The following TRHDE variants were observed in gnomAD, a reference collection of about 807,000 sequenced individuals.
The protein encoded by TRHDE is thyrotropin releasing hormone degrading enzyme, also known as thyrotropin-releasing hormone-degrading ectoenzyme.
In TRHDE, 72 loss-of-function variants were observed where a neutral mutation model predicts 125.7. The observed-to-expected ratio is 0.57, with a 90% confidence interval of 0.47 to 0.70. TRHDE has a LOEUF of 0.70. Ranked by LOEUF, TRHDE falls within the 30% of genes least tolerant of loss-of-function variation. TRHDE has a pLI of 0.00. For synonymous variants in TRHDE, 509 were observed against 509.1 expected, an observed-to-expected ratio of 1.00 and a Z score of 0.00; for missense variants, 1,110 against 1,327.1, an observed-to-expected ratio of 0.84 and a Z score of 2.54.
At chr12:72,231,191 TAAAA>T (rs1198399847) in intron 2 of TRHDE, among the ~76,000 whole-genome samples, 1 of 151,378 alleles carries the variant, frequency 6.6e-6, no homozygotes, top group African/African-American at 2.4e-5. Flanking sequence ...GCATGAAAAT[TAAAA>T]AAAAATCAGC....
chr12:72,650,178 C>A (rs1346478921), intron 15 of TRHDE, among the ~76,000 whole-genome samples: 1 of 152,062 alleles, frequency 6.6e-6, no homozygotes, highest in Non-Finnish European at 1.5e-5. Flanking sequence ...TGTACACATA[C>A]AATGAAATAC....
chr12:72,129,410 C>G (rs571948080), intron 2 of TRHDE, among the ~76,000 whole-genome samples: 3 of 152,184 alleles, frequency 2.0e-5, no homozygotes, highest in Non-Finnish European at 4.4e-5. Flanking sequence ...TATCCATTCT[C>G]ATAGTGATGA....
chr12:72,429,338 CATA>C (rs57170664), intron 3 of TRHDE, among the ~76,000 whole-genome samples: 11,196 of 143,318 alleles, frequency 0.078, 815 homozygotes, highest in East Asian at 0.41. Context: ...GAATTTAAAG[CATA>C]ATAATAATAA....
At chr12:72,426,070 C>A (rs1874172976) in intron 3 of TRHDE, among the ~76,000 whole-genome samples, 1 of 151,934 alleles carries the variant, frequency 6.6e-6, no homozygotes. Flanking sequence ...CTATAGTGTG[C>A]AGTAAATGGA....
chr12:72,298,933 A>G (rs751010739), intron 2 of TRHDE, among the ~76,000 whole-genome samples: 18 of 152,138 alleles, frequency 1.2e-4, no homozygotes, highest in African/African-American at 2.7e-4. Context: ...TGGGCAAGCA[A>G]GTGGAGTTTA....
At chr12:72,363,062 C>T (rs1871178017) in intron 2 of TRHDE, among the ~76,000 whole-genome samples, 1 of 151,870 alleles carries the variant, frequency 6.6e-6, no homozygotes, top group South Asian at 2.1e-4. Flanking sequence ...TTTTTTGGTT[C>T]CATATGAACT....
chr12:72,205,841 G>C (rs1190305801), intron 2 of TRHDE, among the ~76,000 whole-genome samples: 2 of 152,146 alleles, frequency 1.3e-5, no homozygotes, highest in Non-Finnish European at 2.9e-5. Flanking sequence ...TTGAGATCCT[G>C]TTTTTAATGC....
intron 6 of TRHDE, among the ~76,000 whole-genome samples, chr12:72,533,972 C>T (rs553109368): frequency 1.2e-4 from 18 of 152,094 alleles, no homozygotes; most frequent in East Asian, 1.9e-4. Context: ...AAAAAACATA[C>T]GGCCTCAGTG....
chr12:72,112,282 A>G lies in TRHDE; in HGVS notation n.279+6530A>G, dbSNP rs118070334. Reference sequence around the variant, plus strand: ...TGCCACTTCATTGAATTAGCGATGTACTTTCTGTAGCATGCTGTGTATTTC... The same window carrying G: ...TGCCACTTCATTGAATTAGCGATGTGCTTTCTGTAGCATGCTGTGTATTTC... On this transcript the variant is annotated intron_variant and non_coding_transcript_variant, in intron 2 of 4. Transcript: ENST00000548156. Among the ~76,000 whole-genome samples, 152 of 152,250 alleles carry G rather than the reference A, an allele frequency of 1.0e-3. 4 individuals are homozygous for G. In the East Asian group the frequency reaches 0.017, roughly 17 times the overall value.
chr12:72,602,166 A>G (rs6582093), intron 12 of TRHDE, among the ~76,000 whole-genome samples: 39,983 of 151,894 alleles, frequency 0.26, 7,954 homozygotes, highest in East Asian at 0.54. Flanking sequence ...ACATACTTCT[A>G]TTTCCCTGAT....
chr12:72,596,135 T>A (rs1333346462), intron 12 of TRHDE, among the ~76,000 whole-genome samples: 1 of 152,160 alleles, frequency 6.6e-6, no homozygotes, highest in Non-Finnish European at 1.5e-5. Context: ...TTCCCTTTGG[T>A]AAGAAATATC....
intron 3 of TRHDE, among the ~76,000 whole-genome samples, chr12:72,469,264 T>A (rs1326140260): frequency 6.6e-6 from 1 of 152,244 alleles, no homozygotes; most frequent in African/African-American, 2.4e-5. Flanking sequence ...GTAACATATT[T>A]CTTTTAACAT....
At chr12:72,372,357 G>C (rs1396861936) in intron 2 of TRHDE, among the ~76,000 whole-genome samples, 1 of 151,998 alleles carries the variant, frequency 6.6e-6, no homozygotes, top group African/African-American at 2.4e-5. Flanking sequence ...TCACTCTGAT[G>C]GTAGTTTCTT....
At chr12:72,336,878 A>G (rs1233255334) in intron 2 of TRHDE, among the ~76,000 whole-genome samples, 1 of 152,174 alleles carries the variant, frequency 6.6e-6, no homozygotes, top group Non-Finnish European at 1.5e-5. Flanking sequence ...CCCACCTCCC[A>G]AAACTGCTGC....
chr12:72,602,233 G>C (rs371610738), intron 12 of TRHDE, among the ~76,000 whole-genome samples: 9 of 151,916 alleles, frequency 5.9e-5, no homozygotes, highest in East Asian at 5.8e-4. Flanking sequence ...GAAAACACAG[G>C]GTTGAAAACT....
intron 12 of TRHDE, among the ~76,000 whole-genome samples, chr12:72,616,846 GAGA>G (rs1232193403): frequency 6.6e-6 from 1 of 151,974 alleles, no homozygotes; most frequent in Admixed American, 6.6e-5. Flanking sequence ...CATGTATAAA[GAGA>G]AGGTGAATAT....
chr12:72,512,159 C>T (rs932319469), intron 6 of TRHDE, among the ~76,000 whole-genome samples: 7 of 151,816 alleles, frequency 4.6e-5, no homozygotes, highest in African/African-American at 9.7e-5. Flanking sequence ...GAGAAGCTTA[C>T]GGGTCAGAGC....
intron 3 of TRHDE, among the ~76,000 whole-genome samples, chr12:72,426,799 TA>T (rs976870948): frequency 6.6e-6 from 1 of 152,064 alleles, no homozygotes; most frequent in East Asian, 1.9e-4. Flanking sequence ...TATTAAGAGG[TA>T]AAAAACATCC....
chr12:72,650,253 T>C (rs1874452206), intron 15 of TRHDE, among the ~76,000 whole-genome samples: 1 of 152,092 alleles, frequency 6.6e-6, no homozygotes, highest in African/African-American at 2.4e-5. Context: ...TGGAGGACTT[T>C]ATGCTCAGTG....
Sources: gnomAD v4.1 joint callset for allele counts (sites outside exome capture counted in the v4.1 genomes callset) on GRCh38, gnomAD v4.1.1 for gene constraint, MANE v1.5 for transcripts, NCBI Gene and HGNC (gene_info 2026-07-23, HGNC 2026-07-21) for gene names.